MYOM2: variants seen among roughly 807,000 people sequenced by gnomAD.
MYOM2 encodes myomesin-2.
MYOM2 carries 254 observed loss-of-function variants against 187.6 expected under a neutral mutation model. The ratio of observed to expected loss-of-function variants is 1.35; its 90% CI spans 1.22 to 1.50. The LOEUF is 1.50. MYOM2 is among the 40% of genes most tolerant of loss of function. The pLI is 0.00. For missense variants in MYOM2, 2,796 were observed against 1,924.0 expected, an observed-to-expected ratio of 1.45 and a Z score of -8.48; for synonymous variants, 981 against 753.8, an observed-to-expected ratio of 1.30 and a Z score of -4.94.
intron 23 of MYOM2, 65 bp downstream of exon 23, chr8:2,106,662 A>C: frequency 8.3e-7 from 1 of 1,200,698 alleles, no homozygotes; most frequent in South Asian, 1.4e-5. Flanking sequence ...ATTGACACCA[A>C]CATAGAAAAG....
Position 2,059,447 on chromosome 8 carries a change from G to A in MYOM2, c.653+202G>A, listed in dbSNP as rs548055996. 1.3e-5 allele frequency among the ~76,000 whole-genome samples: 2 copies of A among 152,260 alleles called. 1 individual carries two copies. Among genetic ancestry groups the A allele is most frequent in the South Asian group, 4.1e-4 (2 of 4,822 alleles). ...TTCTTTAGTGTCTGGCCAGAGGAATGCAAACTCTGGGAATAAAGACAGTAG... is the reference window on the plus strand; with the variant it reads ...TTCTTTAGTGTCTGGCCAGAGGAATACAAACTCTGGGAATAAAGACAGTAG... On this transcript the variant is annotated intron_variant, in intron 6 of 36. Transcript: ENST00000262113.
intron 28 of MYOM2, among the ~76,000 whole-genome samples, chr8:2,120,708 T>A (rs1333763199): frequency 8.3e-5 from 3 of 36,308 alleles, no homozygotes; most frequent in African/African-American, 1.8e-4. Flanking sequence ...TATATATATT[T>A]TAATTGCCAA....
intron 13 of MYOM2, among the ~76,000 whole-genome samples, chr8:2,080,576 G>A (rs1254925968): frequency 1.3e-5 from 2 of 152,212 alleles, no homozygotes; most frequent in Admixed American, 6.5e-5. Flanking sequence ...ACTCAGGAAG[G>A]ACACTCAATA....
At chr8:2,057,904 C>G (rs1445659472) in intron 5 of MYOM2, 124 bp downstream of exon 5, 32 of 953,192 alleles carry the variant, frequency 3.4e-5, no homozygotes, top group Non-Finnish European at 4.5e-5. Context: ...AAACTCTAAG[C>G]AGAAATATGT....
At chr8:2,051,171 A>T (rs539973632) in intron 2 of MYOM2, among the ~76,000 whole-genome samples, 2 of 74,642 alleles carry the variant, frequency 2.7e-5, no homozygotes, top group Non-Finnish European at 6.8e-5. Flanking sequence ...CAGAACTAGG[A>T]TCTAAAAAGC....
Position 2,144,547 on chromosome 8 carries a change from A to G in MYOM2, c.4081-117A>G. On this transcript the variant is annotated intron_variant, in intron 36 of 36. Transcript: ENST00000262113. ...GTACATAAAGGCTTGTTTCTAAACAAACGATTGAAGGACCAATAAATGTAA... is the reference window on the plus strand; with the variant it reads ...GTACATAAAGGCTTGTTTCTAAACAGACGATTGAAGGACCAATAAATGTAA... 2 of 1,074,464 alleles carry G rather than the reference A, an allele frequency of 1.9e-6. 1 individual carries two copies. Among genetic ancestry groups the G allele is most frequent in the South Asian group, 2.8e-5 (2 of 72,550 alleles). The allele number at this position is 1,074,464 out of a possible 1,614,324, so 66.6% of individuals were successfully genotyped here.
intron 32 of MYOM2, among the ~76,000 whole-genome samples, chr8:2,131,103 G>A (rs923063341): frequency 3.9e-5 from 6 of 152,162 alleles, no homozygotes; most frequent in Non-Finnish European, 8.8e-5. Flanking sequence ...GGGGGGTACA[G>A]AGATTAAACA....
chr8:2,057,502 G>A lies in MYOM2; in HGVS notation c.402+16G>A, dbSNP rs201279962. 7.8e-5 allele frequency: 126 copies of A among 1,613,844 alleles called. 1 individual carries two copies. In the East Asian group the frequency reaches 2.8e-3, roughly 36 times the overall value. On this transcript the variant is annotated intron_variant, in intron 4 of 36. Transcript: ENST00000262113. ...TCAGCAGATGGTAGGAGGGTCTCAG[G>A]GTGGCTGGGTGTCTGGGAAGCGTGG...
At chr8:2,046,086 C>A (rs563341079) in intron 1 of MYOM2, among the ~76,000 whole-genome samples, 3 of 152,240 alleles carry the variant, frequency 2.0e-5, no homozygotes, top group African/African-American at 7.2e-5. Flanking sequence ...CACAGGCCAA[C>A]GCTGCGTGTC....
chr8:2,133,636 T>C (rs1284240838), intron 32 of MYOM2, among the ~76,000 whole-genome samples: 1 of 152,040 alleles, frequency 6.6e-6, no homozygotes, highest in Non-Finnish European at 1.5e-5. Context: ...AATTTTTGTA[T>C]ATTTAGTAGA....
At chr8:2,137,566 G>C (rs1329151554) in intron 32 of MYOM2, among the ~76,000 whole-genome samples, 1 of 141,342 alleles carries the variant, frequency 7.1e-6, no homozygotes, top group Non-Finnish European at 1.5e-5. Context: ...GTGCCTGGTT[G>C]TGTGTGTGTG....
chr8:2,050,856 C>T lies in MYOM2; in HGVS notation c.90C>T (p.Asp30=), dbSNP rs1204656774. The part of the protein sequence containing the change: ...YRNIQTRYLL[D]EYASKKRAST... The stretch of plus-strand genomic sequence containing the variant: ...ATATTCAAACACGGTACCTGCTGGA[C>T]GAATATGCGTCAAAAAAGTAAGCTG... The change falls in exon 2 of 37, where the codon GAC becomes GAT. Residue 30 remains aspartate, a synonymous_variant. Transcript: ENST00000262113. 15 of 1,610,386 alleles carry T rather than the reference C, an allele frequency of 9.3e-6. No individual in the cohort carries two copies. The highest frequency in any genetic ancestry group is 2.7e-5 in the African/African-American group (2 of 75,000).
In MYOM2 at chr8:2,090,142, G is replaced by C; in HGVS notation, c.1779G>C (p.Leu593=). Residue 593 remains leucine, a synonymous_variant, in exon 15 of 37, where the codon CTG becomes CTC. Coordinates refer to ENST00000262113, the MANE Select transcript of MYOM2 (RefSeq NM_003970.4). ...FRVLSANRHG[L]SEPSEITSPI... ...TGCTGTCAGCAAACCGGCATGGCCTGAGCGAACCTTCGGAGATAACGTCCC... is the reference window on the plus strand; with the variant it reads ...TGCTGTCAGCAAACCGGCATGGCCTCAGCGAACCTTCGGAGATAACGTCCC... 3 of 1,614,090 alleles carry C rather than the reference G, an allele frequency of 1.9e-6. No homozygotes were observed. The highest frequency in any genetic ancestry group is 2.5e-6 in the Non-Finnish European group (3 of 1,179,982).
chr8:2,064,554 C>A (rs1818952615), intron 6 of MYOM2, among the ~76,000 whole-genome samples: 1 of 152,174 alleles, frequency 6.6e-6, no homozygotes, highest in Admixed American at 6.5e-5. Flanking sequence ...TGCGGGAGGC[C>A]AAGCGGATGG....
chr8:2,079,695 A>G, intron 13 of MYOM2, 82 bp downstream of exon 13: 1 of 1,421,952 alleles, frequency 7.0e-7, no homozygotes, highest in Admixed American at 1.7e-5. Flanking sequence ...TGGACAGAGA[A>G]CGCCCCCTAC....
At chr8:2,120,706 T>TATATA (rs1797421857) in intron 28 of MYOM2, among the ~76,000 whole-genome samples, 21 of 69,054 alleles carry the variant, frequency 3.0e-4, no homozygotes, top group South Asian at 1.1e-3. Context: ...AATATATATA[T>TATATA]TTTAATTGCC....
At chr8:2,082,582 C>G (rs1819666601) in intron 13 of MYOM2, among the ~76,000 whole-genome samples, 1 of 152,192 alleles carries the variant, frequency 6.6e-6, no homozygotes, top group Non-Finnish European at 1.5e-5. Flanking sequence ...GAATGGCTAT[C>G]CATGCGCTTG....
chr8:2,058,878 C>G (rs17064626), intron 5 of MYOM2, among the ~76,000 whole-genome samples: 5,106 of 152,294 alleles, frequency 0.034, 293 homozygotes, highest in African/African-American at 0.12. Flanking sequence ...TATGGAATGA[C>G]AAGTCCTGAA....
intron 14 of MYOM2, 21 bp from the exon 15 acceptor site, chr8:2,089,987 C>T (rs751558366): frequency 1.1e-5 from 18 of 1,611,458 alleles, no homozygotes; most frequent in South Asian, 3.3e-5. Flanking sequence ...CTGCCAGTCT[C>T]GTTTCTGTTT....
Sources: allele counts gnomAD v4.1 joint callset (sites outside exome capture counted in the v4.1 genomes callset), GRCh38; gene constraint gnomAD v4.1.1; transcripts MANE v1.5; gene names NCBI Gene and HGNC (gene_info 2026-07-23, HGNC 2026-07-21).